Variants in GABRB1 observed in about 807,000 individuals in gnomAD.
The protein encoded by GABRB1 is gamma-aminobutyric acid type A receptor subunit beta1, also known as gamma-aminobutyric acid receptor subunit beta-1.
In GABRB1, 17 loss-of-function variants were observed where a neutral mutation model predicts 51.6. The ratio of observed to expected loss-of-function variants is 0.33; its 90% CI spans 0.23 to 0.49. GABRB1 has a LOEUF of 0.49. Among genes scored for constraint, GABRB1 ranks in the 20% least tolerant of loss-of-function variants. The pLI, the probability that GABRB1 is intolerant of heterozygous loss-of-function variation, is 0.99. For synonymous variants in GABRB1, 247 were observed against 218.9 expected, an observed-to-expected ratio of 1.13 and a Z score of -1.14; for missense variants, 410 against 600.6, an observed-to-expected ratio of 0.68 and a Z score of 3.32.
At chr4:46,999,228 T>C (rs1233618018) in intron 1 of GABRB1, among the ~76,000 whole-genome samples, 2 of 152,190 alleles carry the variant, frequency 1.3e-5, no homozygotes, top group African/African-American at 4.8e-5. Flanking sequence ...CATTTAAACA[T>C]TGTTAAATTT....
chr4:47,288,922 T>C (rs190692402), intron 4 of GABRB1, among the ~76,000 whole-genome samples: 18 of 152,304 alleles, frequency 1.2e-4, no homozygotes, highest in African/African-American at 4.3e-4. Context: ...ATACTTCTAA[T>C]AGTATATACA....
intron 4 of GABRB1, among the ~76,000 whole-genome samples, chr4:47,316,422 T>C (rs1578088997): frequency 2.0e-5 from 3 of 152,048 alleles, no homozygotes; most frequent in African/African-American, 7.2e-5. Context: ...TTCATTTTTA[T>C]GGCTGACTAA....
intron 5 of GABRB1, among the ~76,000 whole-genome samples, chr4:47,324,706 C>T (rs1271783709): frequency 6.6e-6 from 1 of 152,154 alleles, no homozygotes; most frequent in East Asian, 1.9e-4. Context: ...CTCTTCTGAG[C>T]CCCAGATTGA....
chr4:47,318,946 A>C (rs1272118169), intron 4 of GABRB1, among the ~76,000 whole-genome samples: 1 of 152,118 alleles, frequency 6.6e-6, no homozygotes, highest in African/African-American at 2.4e-5. Flanking sequence ...ACTCTATGCA[A>C]ATAGAAGCAC....
At chr4:47,125,430 T>C (rs1232846696) in intron 3 of GABRB1, among the ~76,000 whole-genome samples, 1 of 151,878 alleles carries the variant, frequency 6.6e-6, no homozygotes, top group Non-Finnish European at 1.5e-5. Context: ...ATAGTCAAAT[T>C]AAAAATACTC....
At chr4:47,073,246 G>A (rs762879129) in intron 3 of GABRB1, among the ~76,000 whole-genome samples, 119 of 152,242 alleles carry the variant, frequency 7.8e-4, no homozygotes, top group Non-Finnish European at 1.4e-3. Context: ...GTTACCATCC[G>A]AATGTCTGGA....
intron 4 of GABRB1, among the ~76,000 whole-genome samples, chr4:47,249,218 G>A (rs540584063): frequency 1.3e-4 from 19 of 151,950 alleles, no homozygotes; most frequent in East Asian, 1.2e-3. Context: ...CATTATTGTC[G>A]TTCAATTCAA....
At chr4:47,415,456 C>G (rs1456237906) in intron 8 of GABRB1, among the ~76,000 whole-genome samples, 2 of 151,998 alleles carry the variant, frequency 1.3e-5, no homozygotes, top group Non-Finnish European at 2.9e-5. Flanking sequence ...TTCTTATACC[C>G]CATAGTTATA....
At chr4:47,124,610 A>T (rs1016727290) in intron 3 of GABRB1, among the ~76,000 whole-genome samples, 3 of 152,216 alleles carry the variant, frequency 2.0e-5, no homozygotes, top group Non-Finnish European at 4.4e-5. Flanking sequence ...CAGAAAACTC[A>T]GTGAAATCAG....
At chr4:47,313,722 A>C (rs1373785650) in intron 4 of GABRB1, among the ~76,000 whole-genome samples, 1 of 152,138 alleles carries the variant, frequency 6.6e-6, no homozygotes, top group Non-Finnish European at 1.5e-5. Context: ...GCAGAGTTCA[A>C]CACTGTATTA....
intron 3 of GABRB1, among the ~76,000 whole-genome samples, chr4:47,093,373 T>C (rs997840372): frequency 3.3e-5 from 5 of 152,238 alleles, no homozygotes; most frequent in African/African-American, 1.2e-4. Flanking sequence ...ATTATTCTAA[T>C]ATTATTTTCA....
At chr4:47,141,845 C>T (rs999105199) in intron 3 of GABRB1, among the ~76,000 whole-genome samples, 9 of 151,834 alleles carry the variant, frequency 5.9e-5, no homozygotes, top group Admixed American at 5.3e-4. Flanking sequence ...AGTGCCTAGC[C>T]CTGTAAAGAT....
chr4:47,396,180 G>C (rs1294939262), intron 5 of GABRB1, among the ~76,000 whole-genome samples: 1 of 152,174 alleles, frequency 6.6e-6, no homozygotes, highest in Non-Finnish European at 1.5e-5. Context: ...GCAAGGAGGA[G>C]CAAGTCATAT....
At chr4:47,172,148 C>A (rs982355815) in intron 4 of GABRB1, among the ~76,000 whole-genome samples, 2 of 152,158 alleles carry the variant, frequency 1.3e-5, no homozygotes, top group Non-Finnish European at 2.9e-5. Context: ...ATCCCATCAT[C>A]ATTTTGGAAA....
chr4:47,107,374 C>T (rs1184255232), intron 3 of GABRB1, among the ~76,000 whole-genome samples: 1 of 152,012 alleles, frequency 6.6e-6, no homozygotes, highest in Non-Finnish European at 1.5e-5. Flanking sequence ...CAACTGCTCA[C>T]CAACCTAATT....
intron 4 of GABRB1, among the ~76,000 whole-genome samples, chr4:47,251,325 C>A (rs1247934237): frequency 1.3e-5 from 2 of 152,134 alleles, no homozygotes. Flanking sequence ...GTCATAGATA[C>A]CAGCAACTGT....
intron 4 of GABRB1, among the ~76,000 whole-genome samples, chr4:47,215,593 T>C (rs1318860296): frequency 6.6e-6 from 1 of 152,066 alleles, no homozygotes; most frequent in African/African-American, 2.4e-5. Context: ...TTCAATGTAC[T>C]ATAAGATATT....
At chr4:47,134,093 A>G (rs1259496594) in intron 3 of GABRB1, among the ~76,000 whole-genome samples, 5 of 152,196 alleles carry the variant, frequency 3.3e-5, no homozygotes, top group African/African-American at 1.2e-4. Flanking sequence ...TTGGTTTTGT[A>G]TATGCATTGC....
Position 47,255,835 on chromosome 4 carries a change from T to C in GABRB1, c.462-64292T>C, listed in dbSNP as rs138838988. 3.6e-3 allele frequency among the ~76,000 whole-genome samples: 552 copies of C among 152,234 alleles called. 5 individuals carry two copies. The highest frequency in any genetic ancestry group is 5.1e-3 in the Non-Finnish European group (350 of 68,018). ...GCCTGGGACCACACTTTGAGAACCA[T>C]TGGAATAGGGGTGATGCACTGGGGG... On this transcript the variant is annotated intron_variant, in intron 4 of 8. Transcript: ENST00000295454.
Sources: allele counts gnomAD v4.1 joint callset (sites outside exome capture counted in the v4.1 genomes callset), GRCh38; gene constraint gnomAD v4.1.1; transcripts MANE v1.5; gene names NCBI Gene and HGNC (gene_info 2026-07-23, HGNC 2026-07-21).